APP: variants seen among roughly 807,000 people sequenced by gnomAD.
APP encodes amyloid beta precursor protein, also known as amyloid-beta precursor protein.
A neutral mutation model predicts 101.4 loss-of-function variants in APP; 31 were observed. The ratio of observed to expected loss-of-function variants is 0.31; its 90% CI spans 0.23 to 0.41. The LOEUF (loss-of-function observed/expected upper bound fraction) is 0.41, where lower values mean the gene tolerates loss of function less well. APP is among the 10% of genes least tolerant of loss of function. APP has a pLI of 1.00. For synonymous variants in APP, 366 were observed against 364.4 expected (o/e 1.00, Z -0.05); for missense variants, 839 against 1,003.7 (o/e 0.84, Z 2.22).
chr21:26,083,949 T>TA (rs1373747584), intron 3 of APP, among the ~76,000 whole-genome samples: 1 of 152,096 alleles, frequency 6.6e-6, no homozygotes, highest in Non-Finnish European at 1.5e-5. Context: ...ATCAAAACAT[T>TA]AGTTGTTAAA....
At chr21:26,056,432 T>C (rs2145976677) in intron 3 of APP, among the ~76,000 whole-genome samples, 1 of 152,312 alleles carries the variant, frequency 6.6e-6, no homozygotes, top group East Asian at 1.9e-4. Context: ...GTTCATTAGC[T>C]AAGGATGTTA....
At chr21:26,163,749 C>T (rs911328970) in intron 1 of APP, among the ~76,000 whole-genome samples, 1 of 152,160 alleles carries the variant, frequency 6.6e-6, no homozygotes, top group Admixed American at 6.5e-5. Context: ...TTTTTCCCTG[C>T]GTTCATCATC....
At chr21:25,886,813 C>T (rs2037358080) in intron 17 of APP, among the ~76,000 whole-genome samples, 1 of 152,134 alleles carries the variant, frequency 6.6e-6, no homozygotes, top group Non-Finnish European at 1.5e-5. Context: ...TTCCATTCAA[C>T]CTGACCACTC....
chr21:25,889,543 A>G (rs1412319752), intron 17 of APP, among the ~76,000 whole-genome samples: 1 of 152,244 alleles, frequency 6.6e-6, no homozygotes, highest in Non-Finnish European at 1.5e-5. Flanking sequence ...TAAATAAACT[A>G]AAAAGTGCTC....
chr21:25,989,532 T>A (rs901262111), intron 8 of APP, among the ~76,000 whole-genome samples: 1 of 152,134 alleles, frequency 6.6e-6, no homozygotes, highest in African/African-American at 2.4e-5. Flanking sequence ...ACCGTGGCCA[T>A]CTCCAACAGG....
intron 6 of APP, among the ~76,000 whole-genome samples, chr21:26,013,705 G>T (rs73896805): frequency 0.02 from 3,062 of 152,026 alleles, 101 homozygotes; most frequent in African/African-American, 0.07. Flanking sequence ...GGTGTCAAAT[G>T]TGTATCTTTG....
chr21:26,057,450 A>G (rs2046086195), intron 3 of APP, among the ~76,000 whole-genome samples: 2 of 150,560 alleles, frequency 1.3e-5, no homozygotes, highest in African/African-American at 5.0e-5. Flanking sequence ...TTCACAATTT[A>G]TATTCAAAAC....
intron 13 of APP, among the ~76,000 whole-genome samples, chr21:25,944,038 C>G (rs181665234): frequency 2.6e-5 from 4 of 152,022 alleles, no homozygotes; most frequent in Non-Finnish European, 5.9e-5. Context: ...TTCAATGCCC[C>G]CCCCCAACCA....
chr21:26,142,909 T>C (rs995854577), intron 1 of APP, among the ~76,000 whole-genome samples: 3 of 152,248 alleles, frequency 2.0e-5, no homozygotes, highest in Non-Finnish European at 2.9e-5. Context: ...TAGATTTTTA[T>C]AAAAAGATGT....
intron 13 of APP, among the ~76,000 whole-genome samples, chr21:25,925,308 T>C (rs2146369194): frequency 6.6e-6 from 1 of 152,318 alleles, no homozygotes; most frequent in African/African-American, 2.4e-5. Flanking sequence ...TTATACTTCA[T>C]CTCTCCATGG....
intron 1 of APP, among the ~76,000 whole-genome samples, chr21:26,164,172 G>A (rs998153879): frequency 6.6e-6 from 1 of 152,234 alleles, no homozygotes; most frequent in Non-Finnish European, 1.5e-5. Flanking sequence ...TTGAACCTGA[G>A]AGGCGGAGAT....
At chr21:25,938,253 T>C (rs1003565652) in intron 13 of APP, among the ~76,000 whole-genome samples, 9 of 152,178 alleles carry the variant, frequency 5.9e-5, no homozygotes, top group African/African-American at 1.7e-4. Flanking sequence ...TAATGCTTCA[T>C]TGTAATATTT....
intron 2 of APP, among the ~76,000 whole-genome samples, chr21:26,092,565 G>C (rs2061847250): frequency 1.3e-5 from 2 of 152,132 alleles, no homozygotes; most frequent in African/African-American, 4.8e-5. Context: ...AAGATTTTTA[G>C]GGCAGTGAAA....
chr21:26,063,920 C>T (rs1364935521), intron 3 of APP, among the ~76,000 whole-genome samples: 1 of 152,178 alleles, frequency 6.6e-6, no homozygotes, highest in African/African-American at 2.4e-5. Context: ...AGGTCAATGC[C>T]AACAGGGCTG....
chr21:26,101,105 T>C (rs1481470400), intron 2 of APP, among the ~76,000 whole-genome samples: 8 of 142,950 alleles, frequency 5.6e-5, no homozygotes, highest in Admixed American at 4.8e-4. Context: ...CTTTTTTTTT[T>C]TTTTTTTTTT....
At chr21:25,920,163 A>G (rs1478861936) in intron 13 of APP, among the ~76,000 whole-genome samples, 1 of 150,448 alleles carries the variant, frequency 6.6e-6, no homozygotes, top group Non-Finnish European at 1.5e-5. Flanking sequence ...AATACTTTAC[A>G]GACAAGCAAA....
At chr21:26,046,441 A>G in intron 5 of APP, among the ~76,000 whole-genome samples, 1 of 151,946 alleles carries the variant, frequency 6.6e-6, no homozygotes, top group East Asian at 1.9e-4. Context: ...AAAGAAAAAA[A>G]AAAACTCTTC....
chr21:25,954,478 G>A, intron 13 of APP, 112 bp downstream of exon 13: 1 of 960,060 alleles, frequency 1.0e-6, no homozygotes, highest in East Asian at 2.6e-5. Context: ...ATCGTAAAAG[G>A]CAAGCTGTTC....
At chr21:26,084,731 T>C (rs1043153193) in intron 3 of APP, among the ~76,000 whole-genome samples, 18 of 152,352 alleles carry the variant, frequency 1.2e-4, no homozygotes, top group African/African-American at 4.1e-4. Context: ...AGAATCTTCC[T>C]GAAGAATCAG....
Sources: allele counts gnomAD v4.1 joint callset (sites outside exome capture counted in the v4.1 genomes callset), GRCh38; gene constraint gnomAD v4.1.1; transcripts MANE v1.5; gene names NCBI Gene and HGNC (gene_info 2026-07-23, HGNC 2026-07-21).